The following NUP153 variants were observed in gnomAD, a reference collection of about 807,000 sequenced individuals.
NUP153 encodes the protein nuclear pore complex protein Nup153.
In NUP153, 27 loss-of-function variants were observed where a neutral mutation model predicts 134.6. The observed-to-expected ratio is 0.20, with a 90% CI of 0.15 to 0.28. The LOEUF is 0.28. Ranked by LOEUF, NUP153 falls within the 10% of genes least tolerant of loss-of-function variation. The pLI is 1.00. For synonymous variants in NUP153, 640 were observed against 623.5 expected, an observed-to-expected ratio of 1.03 and a Z score of -0.40; for missense variants, 1,821 against 1,731.3, an observed-to-expected ratio of 1.05 and a Z score of -0.92.
intron 1 of NUP153, among the ~76,000 whole-genome samples, chr6:17,701,831 T>TTGGGGGG: frequency 6.6e-5 from 1 of 15,054 alleles, no homozygotes; most frequent in Non-Finnish European, 1.9e-4. Context: ...AGACTCTGTC[T>TTGGGGGG]CGGGGGGGGG....
At chr6:17,644,126 T>C (rs1766010105) in intron 14 of NUP153, among the ~76,000 whole-genome samples, 1 of 152,238 alleles carries the variant, frequency 6.6e-6, no homozygotes, top group Non-Finnish European at 1.5e-5. Flanking sequence ...TGGCCTCTTA[T>C]CTTCAAGACC....
intron 1 of NUP153, among the ~76,000 whole-genome samples, chr6:17,700,571 T>C (rs1195374912): frequency 6.6e-6 from 1 of 152,200 alleles, no homozygotes; most frequent in Non-Finnish European, 1.5e-5. Flanking sequence ...ATGATTTAAA[T>C]ATTCGACCTC....
At chr6:17,621,522 A>C (rs942112765) in intron 20 of NUP153, among the ~76,000 whole-genome samples, 2 of 152,242 alleles carry the variant, frequency 1.3e-5, no homozygotes, top group Admixed American at 1.3e-4. Context: ...TTGGTCATTA[A>C]AAGAAAATAA....
At chr6:17,657,233 T>C (rs1766871901) in intron 11 of NUP153, among the ~76,000 whole-genome samples, 1 of 151,894 alleles carries the variant, frequency 6.6e-6, no homozygotes, top group Non-Finnish European at 1.5e-5. Context: ...TGCTCTTATT[T>C]GTCCGGTATA....
At position 17,688,500 on chromosome 6, in the gene NUP153, C is replaced by T. The variant is rs774114606; in HGVS notation, c.230G>A (p.Arg77His). 17 of 1,613,974 alleles carry T rather than the reference C, an allele frequency of 1.1e-5. No individual in the cohort carries two copies. In the East Asian group the frequency reaches 1.6e-4, roughly 15 times the overall value. Residue 77 changes from arginine to histidine, a missense_variant, in exon 2 of 22, where the codon CGC becomes CAC. Transcript: ENST00000262077. ...ATGGTCCTCTTTATTTTCTGGCCAG[C>T]GTGGAACCTCGCTTGTGTCTGTTGA... is the stretch of plus-strand genomic sequence containing the variant. Reference protein sequence around the residue: ...SCSTDTSEVPRWPENKEDHLV... With the variant: ...SCSTDTSEVPHWPENKEDHLV...
At chr6:17,640,478 A>C (rs1426708313) in intron 14 of NUP153, among the ~76,000 whole-genome samples, 2 of 152,234 alleles carry the variant, frequency 1.3e-5, no homozygotes, top group Admixed American at 6.5e-5. Flanking sequence ...CATTTTTAGA[A>C]ATTCACACTA....
chr6:17,686,390 C>T (rs1768925290), intron 2 of NUP153, among the ~76,000 whole-genome samples: 1 of 151,216 alleles, frequency 6.6e-6, no homozygotes, highest in Non-Finnish European at 1.5e-5. Context: ...GTTAACAAAC[C>T]TTTTTTTTAT....
chr6:17,693,822 G>T lies in NUP153; in HGVS notation c.112-5204C>A, dbSNP rs535564962. Reference sequence around the variant, plus strand: ...AAACGCTTGAACCCAGGAGGCAGAGGTTGCAGTGAGCTGAGATCGTGCCAC... The same window carrying T: ...AAACGCTTGAACCCAGGAGGCAGAGTTTGCAGTGAGCTGAGATCGTGCCAC... On this transcript the variant is annotated intron_variant, in intron 1 of 21. Transcript: ENST00000262077. Among the ~76,000 whole-genome samples, 25 of 152,206 alleles carry T rather than the reference G, an allele frequency of 1.6e-4. No individual in the cohort carries two copies. In the South Asian group the frequency reaches 2.3e-3, roughly 14 times the overall value.
chr6:17,666,591 C>A (rs1481648942), intron 8 of NUP153, among the ~76,000 whole-genome samples: 1 of 152,110 alleles, frequency 6.6e-6, no homozygotes, highest in East Asian at 1.9e-4. Flanking sequence ...CAAGTTATTT[C>A]CCCCATTGTT....
intron 20 of NUP153, chr6:17,619,626 T>A (rs991507758): frequency 6.6e-6 from 1 of 152,186 alleles, no homozygotes; most frequent in South Asian, 2.1e-4. Flanking sequence ...TGAAGTGTTC[T>A]ATATTTTTAA....
chr6:17,651,855 A>G, intron 11 of NUP153: 2 of 662,590 alleles, frequency 3.0e-6, no homozygotes, highest in Non-Finnish European at 5.6e-6. Context: ...GCACTTTGAG[A>G]GGCCAAGATG....
chr6:17,691,079 T>C (rs1026443578), intron 1 of NUP153, among the ~76,000 whole-genome samples: 2 of 151,992 alleles, frequency 1.3e-5, no homozygotes, highest in Admixed American at 6.6e-5. Flanking sequence ...CAGATGGAGG[T>C]TGCAGTGAGC....
chr6:17,636,856 C>T (rs1765575209), intron 16 of NUP153, among the ~76,000 whole-genome samples: 1 of 152,136 alleles, frequency 6.6e-6, no homozygotes, highest in Non-Finnish European at 1.5e-5. Context: ...AGAAATATTA[C>T]CCCATTCTAA....
intron 1 of NUP153, among the ~76,000 whole-genome samples, chr6:17,695,642 T>A (rs1265642747): frequency 6.6e-6 from 1 of 152,184 alleles, no homozygotes; most frequent in East Asian, 1.9e-4. Flanking sequence ...CACAGCCAAC[T>A]ATAAGACATT....
At chr6:17,698,567 T>A (rs1261911256) in intron 1 of NUP153, among the ~76,000 whole-genome samples, 2 of 151,938 alleles carry the variant, frequency 1.3e-5, no homozygotes, top group South Asian at 2.1e-4. Flanking sequence ...TGAAACCCCA[T>A]CTCTACTAAG....
At position 17,629,486 on chromosome 6, in the gene NUP153, A is replaced by T; in HGVS notation, c.2713T>A (p.Phe905Ile). The T allele has an allele frequency of 6.2e-7, 1 of 1,608,078 alleles. No homozygotes were observed. Among genetic ancestry groups the T allele is most frequent in the Non-Finnish European group, 8.5e-7 (1 of 1,178,644 alleles). ...CCAGAAGAGGATGATGAGACACCAA[A>T]TTTGAAGGATGAGGAGGCTGCTGAG... is the stretch of plus-strand genomic sequence containing the variant. ...SNSAASSSFKFGVSSSSSGPS... is the reference protein window; with the variant it reads ...SNSAASSSFKIGVSSSSSGPS... The change falls in exon 18 of 22, where the codon TTT becomes ATT. Residue 905 changes from phenylalanine (F) to isoleucine (I), a missense_variant. Coordinates refer to ENST00000262077, the MANE Select transcript of NUP153 (RefSeq NM_005124.4).
chr6:17,640,133 A>C, intron 14 of NUP153, 69 bp from the exon 15 acceptor site: 1 of 1,210,580 alleles, frequency 8.3e-7, no homozygotes, highest in Non-Finnish European at 1.1e-6. Flanking sequence ...CATTTTTAAA[A>C]ATCTTTCAAA....
intron 16 of NUP153, among the ~76,000 whole-genome samples, chr6:17,636,728 T>G (rs1370962069): frequency 1.3e-5 from 2 of 152,220 alleles, no homozygotes; most frequent in Non-Finnish European, 2.9e-5. Flanking sequence ...TTGCAACAGC[T>G]ACAGCCTTTT....
chr6:17,704,932 TG>T (rs1215003294), intron 1 of NUP153, among the ~76,000 whole-genome samples: 3 of 152,136 alleles, frequency 2.0e-5, no homozygotes, highest in African/African-American at 7.2e-5. Flanking sequence ...GCTAATTTTT[TG>T]TATTTGTTAG....
Sources: allele counts gnomAD v4.1 joint callset (sites outside exome capture counted in the v4.1 genomes callset), GRCh38; gene constraint gnomAD v4.1.1; transcripts MANE v1.5; gene names NCBI Gene and HGNC (gene_info 2026-07-23, HGNC 2026-07-21).